LRCH4: variants seen among roughly 807,000 people sequenced by gnomAD.
LRCH4 encodes leucine-rich repeat and calponin homology domain-containing protein 4.
In LRCH4, 56 loss-of-function variants were observed where a neutral mutation model predicts 81.2. The ratio of observed to expected loss-of-function variants is 0.69; its 90% CI spans 0.56 to 0.86. The LOEUF (loss-of-function observed/expected upper bound fraction) is 0.86, where lower values mean the gene tolerates loss of function less well. Ranked by LOEUF, LRCH4 falls within the 40% of genes least tolerant of loss-of-function variation. The pLI is 0.00. For synonymous variants in LRCH4, 442 were observed against 409.7 expected, an observed-to-expected ratio of 1.08 and a Z score of -0.95; for missense variants, 895 against 922.8, an observed-to-expected ratio of 0.97 and a Z score of 0.39.
At position 100,578,979 on chromosome 7, in the gene LRCH4, C is replaced by T. The variant is rs538272964; in HGVS notation, c.599-193G>A. ...ACATGATTCTGGTCCACGGTCTAAG[C>T]GAGCCTCCCTGAGAGGGCCCATCTG... On this transcript the variant is annotated intron_variant, in intron 4 of 17. Transcript: ENST00000310300. The surrounding 1 kb of genome is among the most constrained non-coding windows in gnomAD (Gnocchi z 5.7). 5 of 611,526 alleles carry T rather than the reference C, an allele frequency of 8.2e-6. No homozygotes were observed. Among genetic ancestry groups the T allele is most frequent in the Admixed American group, 3.2e-5 (1 of 30,966 alleles). The allele number at this position is 611,526 out of a possible 1,614,324, so 37.9% of individuals were successfully genotyped here.
At chr7:100,576,479 G>C (rs1248180168) in intron 14 of LRCH4, 156 bp from the exon 15 acceptor site, 7 of 672,726 alleles carry the variant, frequency 1.0e-5, no homozygotes, top group South Asian at 1.9e-5. Flanking sequence ...GCCCAGGCTG[G>C]TCTTGAATTC....
chr7:100,579,198 A>C (rs1031396333), intron 4 of LRCH4: 9 of 203,004 alleles, frequency 4.4e-5, no homozygotes, highest in Middle Eastern at 1.9e-3. Context: ...TGTTGAGCGG[A>C]TTGTGGCCGC....
At position 100,582,619 on chromosome 7, in the gene LRCH4, CG is replaced by C. The variant is rs749986585; in HGVS notation, c.221-161del. 2.0e-4 allele frequency among the ~76,000 whole-genome samples: 30 copies of C among 152,212 alleles called. No individual in the cohort carries two copies. Among genetic ancestry groups the C allele is most frequent in the Non-Finnish European group, 4.0e-4 (27 of 68,042 alleles). On this transcript the variant is annotated intron_variant, in intron 1 of 17. Transcript: ENST00000310300. The surrounding 1 kb of genome is among the most constrained non-coding windows in gnomAD (Gnocchi z 5.0). ...GAGAGATAACAAAGCCTTCTGCCAA[CG>C]GGAGCACATTCCAGGCGTGACCAGA...
rs1030334538 is a variant in LRCH4, at chr7:100,577,573, G to A, written c.1117-15C>T. The A allele has an allele frequency of 1.2e-6, 2 of 1,611,264 alleles. No individual in the cohort carries two copies. Among genetic ancestry groups the A allele is most frequent in the Non-Finnish European group, 1.7e-6 (2 of 1,179,894 alleles). ...GGTCGCTGCTCCTAAGGAGAGAACA[G>A]CAGAGCAGCTGAGGGCAGGCCTGTG... On this transcript the variant is annotated splice_polypyrimidine_tract_variant and intron_variant, in intron 9 of 17. Coordinates refer to ENST00000310300, the MANE Select transcript of LRCH4 (RefSeq NM_002319.5). This position sits in a 1 kb window ranked among gnomAD's most constrained non-coding sequence, Gnocchi z 6.7.
At position 100,578,238 on chromosome 7, in the gene LRCH4, G is replaced by T; in HGVS notation, c.869C>A (p.Pro290Gln). Residue 290 changes from proline (P) to glutamine (Q), a missense_variant, in exon 7 of 18, where the codon CCG (proline) becomes CAG (glutamine). By Grantham distance (76) the Pro-to-Gln change is moderately conservative (BLOSUM62 -1). Transcript: ENST00000310300. The surrounding 1 kb of genome is among the most constrained non-coding windows in gnomAD (Gnocchi z 5.7). ...FSPCPAEDLF[P>Q]GHRYDGGLDS... ...CAGCCCACCATCGTACCGATGTCCC[G>T]GAAATAGATCCTCTGCAGGGCTGGG... is the stretch of plus-strand genomic sequence containing the variant. The T allele has an allele frequency of 6.2e-7, 1 of 1,614,182 alleles. No individual in the cohort carries two copies. Among genetic ancestry groups the T allele is most frequent in the African/African-American group, 1.3e-5 (1 of 75,066 alleles).
Position 100,582,526 on chromosome 7 carries a change from C to T in LRCH4, c.221-67G>A. The T allele has an allele frequency of 1.3e-6, 2 of 1,513,534 alleles. No individual in the cohort carries two copies. Among genetic ancestry groups the T allele is most frequent in the Admixed American group, 3.8e-5 (2 of 52,514 alleles). The allele number at this position is 1,513,534 out of a possible 1,614,324, so 93.8% of individuals were successfully genotyped here. The stretch of plus-strand genomic sequence containing the variant: ...AGCCCGGACAGGACCTTCAGTCCCC[C>T]CAGAGCCGGCTGCCCACTCCCTCAC... On this transcript the variant is annotated intron_variant, in intron 1 of 17. Transcript: ENST00000310300. This position sits in a 1 kb window ranked among gnomAD's most constrained non-coding sequence, Gnocchi z 5.0.
intron 4 of LRCH4, chr7:100,579,683 G>A (rs962846316): frequency 6.6e-5 from 10 of 152,034 alleles, no homozygotes; most frequent in African/African-American, 1.9e-4. Context: ...CCAGCATGAG[G>A]AAGGCTTCCA....
intron 1 of LRCH4, among the ~76,000 whole-genome samples, chr7:100,584,383 G>C (rs987517766): frequency 6.6e-6 from 1 of 151,936 alleles, no homozygotes; most frequent in Non-Finnish European, 1.5e-5. Flanking sequence ...CAAGCTCACA[G>C]GAGCACGGCT....
At position 100,574,630 on chromosome 7, in the gene LRCH4, G is replaced by GCACACACACA. The variant is rs537780084; in HGVS notation, c.*476_*477insTGTGTGTGTG. The GCACACACACA allele has an allele frequency of 1.5e-3, 211 of 139,966 alleles. 1 individual carries two copies. The highest frequency in any genetic ancestry group is 2.2e-3 in the South Asian group (11 of 5,080). 8.7% of individuals were successfully genotyped at this position (139,966 alleles called of 1,614,324 possible). A position where few individuals can be genotyped will look rare whatever the true frequency, so the allele number is the denominator to read the frequency against. On this transcript the variant is annotated 3_prime_UTR_variant, in exon 18 of 18. Coordinates refer to ENST00000310300, the MANE Select transcript of LRCH4 (RefSeq NM_002319.5). ...ACACGCGGAGCAGACGCGCGCGCGC[G>GCACACACACA]CGCACACACACACACACAGGCAGGG... is the stretch of plus-strand genomic sequence containing the variant.
At chr7:100,580,781 G>C (rs556222484) in intron 4 of LRCH4, 1 of 145,544 alleles carries the variant, frequency 6.9e-6, no homozygotes, top group South Asian at 2.2e-4. Context: ...CACAACACAC[G>C]AACAGACACA....
chr7:100,585,793 G>A (rs1801719168), intron 1 of LRCH4, 88 bp downstream of exon 1: 5 of 1,368,944 alleles, frequency 3.7e-6, no homozygotes, highest in African/African-American at 1.5e-5. Context: ...AGGTGAAGGG[G>A]CGGGCCCGAC....
At chr7:100,584,265 G>T (rs899654715) in intron 1 of LRCH4, 2 of 456,338 alleles carry the variant, frequency 4.4e-6, no homozygotes, top group African/African-American at 4.0e-5. Context: ...AGGGGACAGA[G>T]GAGAGAATTC....
chr7:100,579,053 G>T, intron 4 of LRCH4: 1 of 500,680 alleles, frequency 2.0e-6, no homozygotes, highest in Non-Finnish European at 3.6e-6. Flanking sequence ...GTCAGGTCCC[G>T]CCCAGCCCTG....
In LRCH4 at chr7:100,582,521, TC is replaced by T. The variant is rs368691571; in HGVS notation, c.221-63del. 8.4e-6 allele frequency: 13 copies of T among 1,545,612 alleles called. No homozygotes were observed. The highest frequency in any genetic ancestry group is 1.1e-5 in the Non-Finnish European group (13 of 1,146,588). On this transcript the variant is annotated intron_variant, in intron 1 of 17. Transcript: ENST00000310300. This position sits in a 1 kb window ranked among gnomAD's most constrained non-coding sequence, Gnocchi z 5.0. ...GGCCCAGCCCGGACAGGACCTTCAGTCCCCCCAGAGCCGGCTGCCCACTCCC... is the reference window on the plus strand; with the variant it reads ...GGCCCAGCCCGGACAGGACCTTCAGTCCCCCAGAGCCGGCTGCCCACTCCC...
chr7:100,581,289 T>G (rs1801548895), intron 4 of LRCH4, among the ~76,000 whole-genome samples: 1 of 152,184 alleles, frequency 6.6e-6, no homozygotes, highest in Non-Finnish European at 1.5e-5. Flanking sequence ...ACAGTTTGTT[T>G]TATATACTGC....
Position 100,575,588 on chromosome 7 carries a change from G to A in LRCH4, c.1854+117C>T, listed in dbSNP as rs1333331028. ...CAGGGGGCATGCTGGGCAGGGCAGG[G>A]GCAGCCTGTGCCTTCATCTGAGAGC... On this transcript the variant is annotated intron_variant, in intron 17 of 17. Coordinates refer to ENST00000310300, the MANE Select transcript of LRCH4 (RefSeq NM_002319.5). The surrounding 1 kb of genome is among the most constrained non-coding windows in gnomAD (Gnocchi z 5.3). 1 of 1,268,820 alleles carries A rather than the reference G, an allele frequency of 7.9e-7. No individual in the cohort carries two copies. 78.6% of individuals were successfully genotyped at this position (1,268,820 alleles called of 1,614,324 possible).
In LRCH4 at chr7:100,586,001, C is replaced by T. The variant is rs1424172376; in HGVS notation, c.100G>A (p.Ala34Thr). The T allele has an allele frequency of 6.2e-7, 1 of 1,610,610 alleles. No homozygotes were observed. The highest frequency in any genetic ancestry group is 8.5e-7 in the Non-Finnish European group (1 of 1,178,376). The change falls in exon 1 of 18, where the codon GCA (alanine) becomes ACA (threonine). Residue 34 changes from alanine to threonine, a missense_variant. By Grantham distance (58) the Ala-to-Thr change is moderately conservative. This residue lies in a region of LRCH4 where 360 missense variants were observed against 397.0 expected (regional missense o/e 0.91). Transcript: ENST00000310300. ...GSPGLPGRRS[A>T]ERALEEAVAT... is the part of the protein sequence containing the mutation. ...ACGGCCTCCTCTAGGGCCCGCTCTG[C>T]ACTGCGTCTCCCCGGCAGACCTGGA... is the stretch of plus-strand genomic sequence containing the variant.
Position 100,575,341 on chromosome 7 carries a change from A to T in LRCH4, c.1855-37T>A, listed in dbSNP as rs537643965. ...GAGAGCAGGTGGACAAGGACAAGGG[A>T]CAGACGTCAGCAGCAGCAGCAGGAC... On this transcript the variant is annotated intron_variant, in intron 17 of 17. Coordinates refer to ENST00000310300, the MANE Select transcript of LRCH4 (RefSeq NM_002319.5). This position sits in a 1 kb window ranked among gnomAD's most constrained non-coding sequence, Gnocchi z 5.3. The T allele has an allele frequency of 3.9e-5, 59 of 1,503,524 alleles. 1 individual carries two copies. In the Admixed American group the frequency reaches 1.2e-3, roughly 31 times the overall value. 93.1% of individuals were successfully genotyped at this position (1,503,524 alleles called of 1,614,324 possible).
In LRCH4 at chr7:100,575,077, A is replaced by T. The variant is rs573588388; in HGVS notation, c.*30T>A. The T allele has an allele frequency of 2.4e-5, 38 of 1,578,406 alleles. 1 individual carries two copies. In the South Asian group the frequency reaches 3.9e-4, roughly 16 times the overall value. ...GGACCTTATAAATAGAGAGGAAGGGAAAGGGGTGAGGGAGGGCCGATTTTG... is the reference window on the plus strand; with the variant it reads ...GGACCTTATAAATAGAGAGGAAGGGTAAGGGGTGAGGGAGGGCCGATTTTG... On this transcript the variant is annotated 3_prime_UTR_variant, in exon 18 of 18. Coordinates refer to ENST00000310300, the MANE Select transcript of LRCH4 (RefSeq NM_002319.5). The surrounding 1 kb of genome is among the most constrained non-coding windows in gnomAD (Gnocchi z 5.3).
Sources: allele counts gnomAD v4.1 joint callset (sites outside exome capture counted in the v4.1 genomes callset), GRCh38; gene constraint gnomAD v4.1.1; regional missense constraint gnomAD v4.1.1; non-coding constraint Gnocchi (gnomAD v3.1); transcripts MANE v1.5; gene names NCBI Gene and HGNC (gene_info 2026-07-23, HGNC 2026-07-21).